DSCAM: variants seen among roughly 807,000 people sequenced by gnomAD.
The protein encoded by DSCAM is cell adhesion molecule DSCAM.
DSCAM carries 47 observed loss-of-function variants against 217.7 expected under a neutral mutation model. The observed-to-expected ratio is 0.22, with a 90% CI of 0.17 to 0.28. DSCAM has a LOEUF of 0.28. Ranked by LOEUF, DSCAM falls within the 10% of genes least tolerant of loss-of-function variation. DSCAM has a pLI of 1.00. For synonymous variants in DSCAM, 1,056 were observed against 1,015.3 expected (o/e 1.04, Z -0.76); for missense variants, 2,080 against 2,618.3 (o/e 0.79, Z 4.49).
intron 3 of DSCAM, among the ~76,000 whole-genome samples, chr21:40,510,123 C>A (rs962317780): frequency 9.9e-5 from 15 of 152,008 alleles, no homozygotes; most frequent in African/African-American, 3.6e-4. Flanking sequence ...GACTCCATCT[C>A]ATAAAAAAAG....
chr21:40,794,628 C>T (rs1268681029), intron 1 of DSCAM, among the ~76,000 whole-genome samples: 2 of 150,962 alleles, frequency 1.3e-5, no homozygotes, highest in Admixed American at 6.6e-5. Context: ...GACTACTTAT[C>T]CCTTGGTCTA....
At chr21:40,028,688 A>G (rs981732841) in intron 32 of DSCAM, among the ~76,000 whole-genome samples, 3 of 152,152 alleles carry the variant, frequency 2.0e-5, no homozygotes, top group Non-Finnish European at 4.4e-5. Context: ...GAGTGAGGCA[A>G]TGCCTCGCTC....
At chr21:40,805,673 A>G (rs146215194) in intron 1 of DSCAM, among the ~76,000 whole-genome samples, 309 of 151,720 alleles carry the variant, frequency 2.0e-3, no homozygotes, top group Non-Finnish European at 3.7e-3. Context: ...ATACCATAGT[A>G]AATGGTCCCT....
At chr21:40,132,982 G>A (rs764470125) in intron 19 of DSCAM, among the ~76,000 whole-genome samples, 1 of 152,154 alleles carries the variant, frequency 6.6e-6, no homozygotes. Flanking sequence ...GAAGACAAAA[G>A]TTGCAGAGAC....
At chr21:40,789,223 C>T (rs945146043) in intron 1 of DSCAM, among the ~76,000 whole-genome samples, 22 of 148,070 alleles carry the variant, frequency 1.5e-4, no homozygotes, top group African/African-American at 4.7e-4. Context: ...ACCTTCAGGA[C>T]GACGAGGAAA....
At chr21:40,303,008 G>A (rs1353890086) in intron 9 of DSCAM, among the ~76,000 whole-genome samples, 1 of 152,134 alleles carries the variant, frequency 6.6e-6, no homozygotes, top group Admixed American at 6.5e-5. Context: ...TCCAAAGAAT[G>A]AATTTAGGTT....
chr21:40,354,558 A>G (rs968304805), intron 4 of DSCAM, among the ~76,000 whole-genome samples: 1 of 151,928 alleles, frequency 6.6e-6, no homozygotes, highest in East Asian at 2.0e-4. Context: ...AGAAAAAAAG[A>G]GCAACACTAG....
At chr21:40,463,360 A>G (rs915120541) in intron 3 of DSCAM, among the ~76,000 whole-genome samples, 1 of 152,110 alleles carries the variant, frequency 6.6e-6, no homozygotes, top group East Asian at 1.9e-4. Context: ...TCTTCTGTCC[A>G]TCTCAATCAG....
intron 11 of DSCAM, among the ~76,000 whole-genome samples, chr21:40,202,885 A>C (rs1359881360): frequency 6.6e-6 from 1 of 152,086 alleles, no homozygotes; most frequent in Non-Finnish European, 1.5e-5. Flanking sequence ...CATTTATTTC[A>C]TTCCTTTTTC....
intron 11 of DSCAM, among the ~76,000 whole-genome samples, chr21:40,198,282 C>T (rs2091036563): frequency 6.6e-6 from 1 of 152,172 alleles, no homozygotes; most frequent in African/African-American, 2.4e-5. Flanking sequence ...GTCTCCCTCT[C>T]TCCCTCTGTC....
chr21:40,776,723 G>A (rs373540674), intron 1 of DSCAM, among the ~76,000 whole-genome samples: 115 of 152,304 alleles, frequency 7.6e-4, no homozygotes, highest in East Asian at 7.1e-3. Context: ...GGGGACCAAC[G>A]TAAGGATCCT....
At chr21:40,244,054 T>C (rs2073189342) in intron 11 of DSCAM, among the ~76,000 whole-genome samples, 1 of 152,196 alleles carries the variant, frequency 6.6e-6, no homozygotes, top group Non-Finnish European at 1.5e-5. Context: ...GAGGAGACCA[T>C]TTTTAAACTG....
intron 1 of DSCAM, among the ~76,000 whole-genome samples, chr21:40,789,717 A>G (rs2091623603): frequency 6.6e-6 from 1 of 151,892 alleles, no homozygotes. Flanking sequence ...CACCCCGCCC[A>G]GCTAATTTTT....
At chr21:40,606,003 G>C (rs2089232446) in intron 3 of DSCAM, among the ~76,000 whole-genome samples, 1 of 151,834 alleles carries the variant, frequency 6.6e-6, no homozygotes. Context: ...GTTTCACCAT[G>C]CTGGCCAGGC....
rs192153207 is a variant in DSCAM, at chr21:40,438,258, T to C, written c.509-69013A>G. ...AATTTAATGATCACACTCAATAAAA[T>C]AGAGCTTGTGATATTGTCCAAAGTA... On this transcript the variant is annotated intron_variant, in intron 3 of 32. Transcript: ENST00000400454. Among the ~76,000 whole-genome samples the C allele has an allele frequency of 3.0e-4, 45 of 152,298 alleles. No individual in the cohort carries two copies. The East Asian group carries it at 7.5e-3, about 26-fold the overall frequency.
At chr21:40,658,238 G>C (rs2090097379) in intron 3 of DSCAM, among the ~76,000 whole-genome samples, 1 of 152,138 alleles carries the variant, frequency 6.6e-6, no homozygotes. Context: ...CACAGCCAAA[G>C]AAAACATATC....
chr21:40,428,023 G>A (rs929741152), intron 3 of DSCAM, among the ~76,000 whole-genome samples: 1 of 152,112 alleles, frequency 6.6e-6, no homozygotes, highest in African/African-American at 2.4e-5. Context: ...CTCTGGGAGA[G>A]CTCCATCTTT....
intron 11 of DSCAM, among the ~76,000 whole-genome samples, chr21:40,196,742 T>C (rs887351524): frequency 6.6e-6 from 1 of 152,114 alleles, no homozygotes; most frequent in Non-Finnish European, 1.5e-5. Flanking sequence ...CACAGTGCCA[T>C]AATAACAACA....
intron 11 of DSCAM, among the ~76,000 whole-genome samples, chr21:40,232,980 A>C (rs2091395081): frequency 6.6e-6 from 1 of 152,164 alleles, no homozygotes; most frequent in African/African-American, 2.4e-5. Flanking sequence ...ATATATAAAG[A>C]AGAAAATGAA....
Sources: gnomAD v4.1 joint callset for allele counts (sites outside exome capture counted in the v4.1 genomes callset) on GRCh38, gnomAD v4.1.1 for gene constraint, MANE v1.5 for transcripts, NCBI Gene and HGNC (gene_info 2026-07-23, HGNC 2026-07-21) for gene names.